SGPP2: variants seen among roughly 807,000 people sequenced by gnomAD.
SGPP2 encodes sphingosine 1-phosphate phosphohydrolase 2.
Under a neutral mutation model 33.9 loss-of-function variants are expected in SGPP2, and 30 were observed. The observed-to-expected ratio is 0.89, with a 90% CI of 0.66 to 1.20. The LOEUF is 1.20. Ranked by LOEUF, SGPP2 falls within the 50% of genes most tolerant of loss-of-function variation. The pLI is 0.00. For missense variants in SGPP2, 458 were observed against 532.1 expected (o/e 0.86, Z 1.37); for synonymous variants, 233 against 225.0 (o/e 1.04, Z -0.32).
chr2:222,548,981 G>A (rs1052334742), intron 4 of SGPP2, among the ~76,000 whole-genome samples: 2 of 152,180 alleles, frequency 1.3e-5, no homozygotes, highest in Non-Finnish European at 2.9e-5. Context: ...CAGTGTTTTG[G>A]TTTGTTTCAG....
chr2:222,426,229 A>AG (rs1697069117), intron 1 of SGPP2, among the ~76,000 whole-genome samples: 1 of 151,350 alleles, frequency 6.6e-6, no homozygotes, highest in Non-Finnish European at 1.5e-5. Context: ...AAAAAAAAAA[A>AG]AAAAAGACCA....
intron 1 of SGPP2, among the ~76,000 whole-genome samples, chr2:222,468,309 G>A (rs188510843): frequency 6.6e-6 from 1 of 151,558 alleles, no homozygotes; most frequent in East Asian, 1.9e-4. Context: ...CTTTCAATGA[G>A]TACTTTCAAT....
intron 2 of SGPP2, among the ~76,000 whole-genome samples, chr2:222,481,196 A>G (rs1334111711): frequency 6.6e-6 from 1 of 152,180 alleles, no homozygotes; most frequent in Non-Finnish European, 1.5e-5. Context: ...GCACATGTCT[A>G]CCTATGCAAC....
chr2:222,443,787 T>C (rs1468499756), intron 1 of SGPP2, among the ~76,000 whole-genome samples: 1 of 152,236 alleles, frequency 6.6e-6, no homozygotes, highest in East Asian at 1.9e-4. Context: ...ATGTCTGTGC[T>C]GTATTTTGCA....
chr2:222,511,374 C>T (rs1301434797), intron 2 of SGPP2, among the ~76,000 whole-genome samples: 2 of 152,214 alleles, frequency 1.3e-5, no homozygotes, highest in African/African-American at 4.8e-5. Flanking sequence ...AATTCCCCTT[C>T]GTGAAAACCT....
At chr2:222,485,786 C>T (rs1698096986) in intron 2 of SGPP2, among the ~76,000 whole-genome samples, 2 of 152,220 alleles carry the variant, frequency 1.3e-5, no homozygotes, top group African/African-American at 4.8e-5. Flanking sequence ...CTCACCAGCT[C>T]TCCTGTCGCA....
intron 2 of SGPP2, among the ~76,000 whole-genome samples, chr2:222,486,862 A>G (rs1036254913): frequency 2.0e-5 from 3 of 152,164 alleles, no homozygotes; most frequent in African/African-American, 4.8e-5. Flanking sequence ...TGTATTAAAC[A>G]TGTTCCAACA....
At chr2:222,507,384 G>A (rs559015432) in intron 2 of SGPP2, among the ~76,000 whole-genome samples, 1 of 152,336 alleles carries the variant, frequency 6.6e-6, no homozygotes, top group South Asian at 2.1e-4. Context: ...ATCACATTTA[G>A]AGACAGGAAT....
At chr2:222,535,058 G>A (rs1698892897) in intron 4 of SGPP2, among the ~76,000 whole-genome samples, 2 of 152,214 alleles carry the variant, frequency 1.3e-5, no homozygotes, top group Admixed American at 6.5e-5. Context: ...TCCCAACGCT[G>A]TTCAAAAAGC....
chr2:222,454,748 A>G (rs539652742), intron 1 of SGPP2, among the ~76,000 whole-genome samples: 6 of 151,990 alleles, frequency 3.9e-5, no homozygotes, highest in Non-Finnish European at 8.8e-5. Context: ...AAAAAAAAAA[A>G]AACAGGCCAA....
intron 4 of SGPP2, among the ~76,000 whole-genome samples, chr2:222,526,983 G>T (rs1195032174): frequency 6.6e-6 from 1 of 152,100 alleles, no homozygotes; most frequent in Non-Finnish European, 1.5e-5. Flanking sequence ...GGAACTTAAA[G>T]TAAAATTTAA....
chr2:222,557,301 GT>G (rs1689428609), intron 4 of SGPP2, among the ~76,000 whole-genome samples: 1 of 152,222 alleles, frequency 6.6e-6, no homozygotes, highest in South Asian at 2.1e-4. Flanking sequence ...TTGGCAAACA[GT>G]AGGCACTCAT....
intron 4 of SGPP2, among the ~76,000 whole-genome samples, chr2:222,556,139 T>G (rs1689395165): frequency 6.6e-6 from 1 of 152,076 alleles, no homozygotes; most frequent in South Asian, 2.1e-4. Flanking sequence ...GTGCAGGAGC[T>G]TAGAAGCAGC....
rs560903426 is a variant in SGPP2, at chr2:222,431,383, G to C, written c.219+6562G>C. On this transcript the variant is annotated intron_variant, in intron 1 of 4. Transcript: ENST00000321276. ...TAGCCAGGTGTGGTGGCACACGTCT[G>C]ATGTACCAGCTACTTGGGAAGCTGA... Among the ~76,000 whole-genome samples, 3 of 152,150 alleles carry C rather than the reference G, an allele frequency of 2.0e-5. No individual in the cohort carries two copies. In the South Asian group the frequency reaches 6.2e-4, roughly 32 times the overall value.
chr2:222,466,195 G>GTAAA (rs200772172), intron 1 of SGPP2, among the ~76,000 whole-genome samples: 2,463 of 148,316 alleles, frequency 0.017, 66 homozygotes, highest in African/African-American at 0.057. Context: ...AGCATACACA[G>GTAAA]TAAATGAATG....
chr2:222,535,968 C>T (rs1391585154), intron 4 of SGPP2, among the ~76,000 whole-genome samples: 2 of 152,166 alleles, frequency 1.3e-5, no homozygotes, highest in Admixed American at 1.3e-4. Context: ...TCCACTTTTC[C>T]CAAATAAATA....
intron 4 of SGPP2, among the ~76,000 whole-genome samples, chr2:222,547,369 C>A (rs778845949): frequency 9.9e-5 from 15 of 152,130 alleles, no homozygotes; most frequent in Admixed American, 2.6e-4. Flanking sequence ...ATCCTATTGA[C>A]CTGCCAAATC....
intron 1 of SGPP2, 29 bp downstream of exon 1, chr2:222,424,850 C>A: frequency 7.6e-7 from 1 of 1,310,470 alleles, no homozygotes; most frequent in Non-Finnish European, 9.7e-7. Context: ...TCGCCGGGTA[C>A]GGGGAGGGGG....
rs1212322766 is a variant in SGPP2 at position 222,560,573 on chromosome 2, T to C, written c.*1675T>C. 1 of 151,994 alleles carries C rather than the reference T, an allele frequency of 6.6e-6. No homozygotes were observed. Among genetic ancestry groups the C allele is most frequent in the African/African-American group, 2.4e-5 (1 of 41,246 alleles). 9.4% of individuals were successfully genotyped at this position (151,994 alleles called of 1,614,324 possible). On this transcript the variant is annotated 3_prime_UTR_variant, in exon 5 of 5. Transcript: ENST00000321276. Reference sequence around the variant, plus strand: ...TATCAAGAACTTTCTTTAAAGTTAGTGTAACTATAGTTAACAAAGTATCCA... The same window carrying C: ...TATCAAGAACTTTCTTTAAAGTTAGCGTAACTATAGTTAACAAAGTATCCA...
Sources: allele counts gnomAD v4.1 joint callset (sites outside exome capture counted in the v4.1 genomes callset), GRCh38; gene constraint gnomAD v4.1.1; transcripts MANE v1.5; gene names NCBI Gene and HGNC (gene_info 2026-07-23, HGNC 2026-07-21).